Variants in GLIS3 observed in about 807,000 individuals in gnomAD.
The protein encoded by GLIS3 is GLIS family zinc finger 3, also known as zinc finger protein GLIS3.
A neutral mutation model predicts 78.6 loss-of-function variants in GLIS3; 53 were observed. The observed-to-expected ratio is 0.67, with a 90% CI of 0.54 to 0.85. GLIS3 has a LOEUF of 0.85. Ranked by LOEUF, GLIS3 falls within the 40% of genes least tolerant of loss-of-function variation. The pLI, the probability that GLIS3 is intolerant of heterozygous loss-of-function variation, is 0.00. For missense variants in GLIS3, 1,703 were observed against 1,231.1 expected (o/e 1.38, Z -5.74); for synonymous variants, 684 against 509.9 (o/e 1.34, Z -4.60).
intron 2 of GLIS3, among the ~76,000 whole-genome samples, chr9:4,238,772 A>C (rs960144867): frequency 1.3e-5 from 2 of 152,076 alleles, no homozygotes; most frequent in Non-Finnish European, 2.9e-5. Context: ...CTTTAATTAA[A>C]TCCTTCAGCA....
intron 4 of GLIS3, among the ~76,000 whole-genome samples, chr9:4,065,317 G>A (rs1333610512): frequency 6.6e-6 from 1 of 152,178 alleles, no homozygotes; most frequent in Non-Finnish European, 1.5e-5. Flanking sequence ...AACAAAGGAT[G>A]ATTCAAGAGC....
At chr9:3,998,511 A>G (rs2129881888) in intron 4 of GLIS3, among the ~76,000 whole-genome samples, 1 of 151,994 alleles carries the variant, frequency 6.6e-6, no homozygotes, top group Admixed American at 6.5e-5. Flanking sequence ...TAATTACAAT[A>G]TAAATACTAA....
chr9:3,954,632 G>A (rs1816962636), intron 4 of GLIS3, among the ~76,000 whole-genome samples: 1 of 152,162 alleles, frequency 6.6e-6, no homozygotes, highest in Non-Finnish European at 1.5e-5. Flanking sequence ...TCCAAGCTCA[G>A]TAAATGTTTT....
intron 2 of GLIS3, among the ~76,000 whole-genome samples, chr9:4,210,726 C>G (rs1820301044): frequency 6.6e-6 from 1 of 152,240 alleles, no homozygotes; most frequent in African/African-American, 2.4e-5. Flanking sequence ...AAGCAGGGTA[C>G]CTGCAGGCCC....
intron 4 of GLIS3, among the ~76,000 whole-genome samples, chr9:4,022,137 A>G (rs1200866628): frequency 1.3e-5 from 2 of 152,048 alleles, no homozygotes; most frequent in African/African-American, 2.4e-5. Flanking sequence ...AGAATTTCTC[A>G]TTTAATTCTT....
chr9:4,075,702 C>T (rs947529733), intron 4 of GLIS3, among the ~76,000 whole-genome samples: 4 of 151,880 alleles, frequency 2.6e-5, no homozygotes, highest in African/African-American at 7.3e-5. Flanking sequence ...AAACCAGAAA[C>T]AACCCAAGTG....
chr9:3,911,634 G>C (rs895320299), intron 6 of GLIS3, among the ~76,000 whole-genome samples: 3 of 152,156 alleles, frequency 2.0e-5, no homozygotes, highest in Non-Finnish European at 4.4e-5. Context: ...ACGTGGAGTT[G>C]AATTTTTGTA....
chr9:3,953,202 G>A (rs1251604904), intron 4 of GLIS3, among the ~76,000 whole-genome samples: 1 of 151,776 alleles, frequency 6.6e-6, no homozygotes, highest in Non-Finnish European at 1.5e-5. Context: ...TCAGGCAGGG[G>A]AAAAAAAATG....
In GLIS3 at chr9:3,828,206, G is replaced by A; in HGVS notation, c.*66C>T. 1 of 1,589,722 alleles carries A rather than the reference G, an allele frequency of 6.3e-7. No homozygotes were observed. Among genetic ancestry groups the A allele is most frequent in the Non-Finnish European group, 8.6e-7 (1 of 1,159,672 alleles). On this transcript the variant is annotated 3_prime_UTR_variant, in exon 11 of 11. Coordinates refer to ENST00000381971, the MANE Select transcript of GLIS3 (RefSeq NM_001042413.2). ...ATCCTTCCTCAAGCAGTCTGTGAGA[G>A]TACGAAAACAAAAGGTGGCAAGCAA...
At chr9:4,237,946 C>G (rs921533650) in intron 2 of GLIS3, among the ~76,000 whole-genome samples, 1 of 152,188 alleles carries the variant, frequency 6.6e-6, no homozygotes, top group Non-Finnish European at 1.5e-5. Flanking sequence ...AAGATGAATC[C>G]TTTCCATGTT....
In GLIS3 at chr9:3,833,016, T is replaced by C. The variant is rs565225559; in HGVS notation, c.2474-3524A>G. On this transcript the variant is annotated intron_variant, in intron 9 of 10. Transcript: ENST00000381971. Reference sequence around the variant, plus strand: ...TTTAGTCTATATTCAAGTGTTGTGATATATGAGAGTATAAAAGGTTTGTGA... The same window carrying C: ...TTTAGTCTATATTCAAGTGTTGTGACATATGAGAGTATAAAAGGTTTGTGA... 2.6e-5 allele frequency among the ~76,000 whole-genome samples: 4 copies of C among 152,320 alleles called. No individual in the cohort carries two copies. The South Asian group carries it at 8.3e-4, about 32-fold the overall frequency.
chr9:4,197,038 G>T (rs4741912), intron 2 of GLIS3, among the ~76,000 whole-genome samples: 39,491 of 152,028 alleles, frequency 0.26, 6,186 homozygotes, highest in South Asian at 0.47. Context: ...GTGCAGTGGG[G>T]CTCTGCTCCA....
chr9:4,127,597 T>G (rs933884987), intron 2 of GLIS3, among the ~76,000 whole-genome samples: 1 of 152,082 alleles, frequency 6.6e-6, no homozygotes, highest in African/African-American at 2.4e-5. Flanking sequence ...AAAATCTCAA[T>G]AAGCTACATG....
chr9:4,014,184 A>G (rs1056757041), intron 4 of GLIS3, among the ~76,000 whole-genome samples: 6 of 152,202 alleles, frequency 3.9e-5, no homozygotes, highest in Non-Finnish European at 7.3e-5. Flanking sequence ...AATGAAACCT[A>G]CAAGGTTTCT....
intron 1 of GLIS3, among the ~76,000 whole-genome samples, chr9:4,295,427 A>C (rs1465126594): frequency 6.6e-6 from 1 of 152,210 alleles, no homozygotes; most frequent in Non-Finnish European, 1.5e-5. Context: ...TAATTTCTGC[A>C]AGCCAGACTG....
the GLIS3 span, among the ~76,000 whole-genome samples, chr9:4,456,642 A>G: frequency 0.016 from 2,445 of 152,268 alleles, 65 homozygotes; most frequent in African/African-American, 0.047. Flanking sequence ...CTTCCTCACT[A>G]GGATTAATCT....
intron 8 of GLIS3, among the ~76,000 whole-genome samples, chr9:3,857,755 C>A (rs947348944): frequency 6.6e-6 from 1 of 152,148 alleles, no homozygotes; most frequent in Non-Finnish European, 1.5e-5. Context: ...ACTGGTATTA[C>A]CCTGAAAAGA....
At chr9:4,436,152 G>C in the GLIS3 span, among the ~76,000 whole-genome samples, 1 of 152,110 alleles carries the variant, frequency 6.6e-6, no homozygotes, top group Non-Finnish European at 1.5e-5. Flanking sequence ...AAGAATTTAT[G>C]TATGAACATA....
intron 8 of GLIS3, among the ~76,000 whole-genome samples, chr9:3,860,253 T>C (rs572907140): frequency 1.5e-4 from 13 of 88,514 alleles, no homozygotes; most frequent in Non-Finnish European, 2.7e-4. Flanking sequence ...CCAGCCTGGG[T>C]GACAGAGCAA....
Sources: gnomAD v4.1 joint callset for allele counts (sites outside exome capture counted in the v4.1 genomes callset) on GRCh38, gnomAD v4.1.1 for gene constraint, MANE v1.5 for transcripts, NCBI Gene and HGNC (gene_info 2026-07-23, HGNC 2026-07-21) for gene names.